Variants in MACF1 observed in about 807,000 individuals in gnomAD.
The protein encoded by MACF1 is microtubule-actin cross-linking factor 1.
A neutral mutation model predicts 854.8 loss-of-function variants in MACF1; 193 were observed. The observed-to-expected ratio is 0.23, with a 90% CI of 0.20 to 0.25. The LOEUF is 0.25. Ranked by LOEUF, MACF1 falls within the 10% of genes least tolerant of loss-of-function variation. The pLI, the probability that MACF1 is intolerant of heterozygous loss-of-function variation, is 1.00. For synonymous variants in MACF1, 3,185 were observed against 3,226.7 expected (o/e 0.99, Z 0.44); for missense variants, 7,722 against 8,929.1 (o/e 0.86, Z 5.45).
intron 2 of MACF1, among the ~76,000 whole-genome samples, chr1:39,238,931 C>T (rs1644890018): frequency 6.6e-6 from 1 of 152,100 alleles, no homozygotes; most frequent in African/African-American, 2.4e-5. Context: ...TTGCTTTGCT[C>T]CCCAAGTACA....
intron 6 of MACF1, among the ~76,000 whole-genome samples, chr1:39,259,673 A>G (rs1645136934): frequency 6.6e-6 from 1 of 151,290 alleles, no homozygotes; most frequent in Non-Finnish European, 1.5e-5. Flanking sequence ...CCCGGGCTAG[A>G]GTGCAATGGT....
At chr1:39,157,697 C>T (rs1643720347) in intron 2 of MACF1, among the ~76,000 whole-genome samples, 1 of 152,124 alleles carries the variant, frequency 6.6e-6, no homozygotes, top group African/African-American at 2.4e-5. Flanking sequence ...GATTACTTAA[C>T]CTCTGTCTAT....
In MACF1 at chr1:39,349,539, G is replaced by A. The variant is rs1445092238; in HGVS notation, c.10877G>A (p.Gly3626Glu). ...QQLEDLCSWVGQAERALAGHQ... is the reference protein window; with the variant it reads ...QQLEDLCSWVEQAERALAGHQ... Reference sequence around the variant, plus strand: ...CTGGAGGATCTTTGCAGTTGGGTAGGACAGGCAGAAAGAGCACTGGCAGGC... The same window carrying A: ...CTGGAGGATCTTTGCAGTTGGGTAGAACAGGCAGAAAGAGCACTGGCAGGC... The change falls in exon 42 of 101, where the codon GGA (glycine) becomes GAA (glutamate). Residue 3626 changes from glycine to glutamate, a missense_variant. This residue lies in a region of MACF1 where 2,807 missense variants were observed against 3,235.8 expected (regional missense o/e 0.87). Transcript: ENST00000564288. The A allele has an allele frequency of 1.2e-6, 2 of 1,614,182 alleles. No individual in the cohort carries two copies. The highest frequency in any genetic ancestry group is 8.5e-7 in the Non-Finnish European group (1 of 1,180,026).
At chr1:39,268,477 T>G in intron 6 of MACF1, 1 of 1,116,794 alleles carries the variant, frequency 9.0e-7, no homozygotes, top group Non-Finnish European at 1.1e-6. Flanking sequence ...GCTTTGAATT[T>G]GTCTTGTTGC....
intron 22 of MACF1, among the ~76,000 whole-genome samples, chr1:39,301,618 G>A (rs1571298540): frequency 6.6e-6 from 1 of 151,218 alleles, no homozygotes; most frequent in East Asian, 1.9e-4. Flanking sequence ...GTAGAGACGG[G>A]GTTTCACTGT....
Position 39,349,482 on chromosome 1 carries a change from T to C in MACF1, c.10820T>C (p.Leu3607Pro). 3 of 1,612,790 alleles carry C rather than the reference T, an allele frequency of 1.9e-6. No individual in the cohort carries two copies. The highest frequency in any genetic ancestry group is 2.5e-6 in the Non-Finnish European group (3 of 1,179,534). ...ACCCCTTTGCATTTTAATTAGACCCTGCAGAAACAACAAAATACCTGTCAC... is the reference window on the plus strand; with the variant it reads ...ACCCCTTTGCATTTTAATTAGACCCCGCAGAAACAACAAAATACCTGTCAC... ...QMEQEALVKT[L>P]QKQQNTCHQQ... The change falls in exon 42 of 101, where the codon CTG (leucine) becomes CCG (proline). Residue 3607 changes from leucine to proline, a missense_variant. Physicochemically the swap from Leu to Pro is moderately conservative, Grantham distance 98 (BLOSUM62 -3). Coordinates refer to ENST00000564288, the MANE Select transcript of MACF1 (RefSeq NM_001394062.1).
intron 93 of MACF1, 91 bp downstream of exon 93, chr1:39,462,128 T>C: frequency 8.1e-7 from 1 of 1,230,998 alleles, no homozygotes; most frequent in Non-Finnish European, 1.2e-6. Flanking sequence ...TATTAGCCTT[T>C]GACTTGTCTG....
chr1:39,099,356 C>T (rs1387076074), intron 2 of MACF1, among the ~76,000 whole-genome samples: 1 of 152,164 alleles, frequency 6.6e-6, no homozygotes, highest in East Asian at 1.9e-4. Flanking sequence ...GCGGTTTCAC[C>T]ATATTGGTCA....
At chr1:39,263,376 T>A (rs915637927) in intron 6 of MACF1, among the ~76,000 whole-genome samples, 2 of 152,230 alleles carry the variant, frequency 1.3e-5, no homozygotes, top group Non-Finnish European at 1.5e-5. Flanking sequence ...ACATTTTTTT[T>A]AATGTGCTAA....
intron 87 of MACF1, 35 bp from the exon 88 acceptor site, chr1:39,453,672 T>C: frequency 6.2e-7 from 1 of 1,605,568 alleles, no homozygotes; most frequent in Non-Finnish European, 8.5e-7. Flanking sequence ...AATGTAGACT[T>C]TTTACGTTTT....
intron 44 of MACF1, among the ~76,000 whole-genome samples, chr1:39,356,065 A>G (rs636156): frequency 0.4 from 61,521 of 151,964 alleles, 14,629 homozygotes; most frequent in African/African-American, 0.67. Context: ...AAGTAGTGGC[A>G]TAAACAGTAT....
At chr1:39,113,384 A>G (rs965071528) in intron 2 of MACF1, among the ~76,000 whole-genome samples, 5 of 152,172 alleles carry the variant, frequency 3.3e-5, no homozygotes, top group South Asian at 2.1e-4. Flanking sequence ...AACTCCAAAA[A>G]ACACTTCAAG....
At chr1:39,274,675 G>A (rs1316565894) in intron 6 of MACF1, among the ~76,000 whole-genome samples, 4 of 152,296 alleles carry the variant, frequency 2.6e-5, no homozygotes, top group Non-Finnish European at 4.4e-5. Flanking sequence ...CTACTGAAAA[G>A]GGGTTACTAT....
At chr1:39,326,699 AAAG>A (rs1226050077) in intron 35 of MACF1, among the ~76,000 whole-genome samples, 1 of 151,302 alleles carries the variant, frequency 6.6e-6, no homozygotes, top group Non-Finnish European at 1.5e-5. Flanking sequence ...AAAAAAAAAA[AAAG>A]AGAGAAGAAA....
intron 1 of MACF1, among the ~76,000 whole-genome samples, chr1:39,222,214 T>A (rs947021416): frequency 2.6e-5 from 4 of 152,188 alleles, no homozygotes; most frequent in Non-Finnish European, 5.9e-5. Flanking sequence ...AACCTCTGCC[T>A]CCTGGGCTCA....
At chr1:39,342,600 G>A (rs1424043081) in intron 40 of MACF1, among the ~76,000 whole-genome samples, 1 of 148,588 alleles carries the variant, frequency 6.7e-6, no homozygotes. Flanking sequence ...GCAGTGGTGC[G>A]ATCTCAGCTC....
chr1:39,470,954 T>C (rs138414800), intron 97 of MACF1, among the ~76,000 whole-genome samples: 143 of 152,338 alleles, frequency 9.4e-4, no homozygotes, highest in Non-Finnish European at 1.7e-3. Context: ...TTTGTCCTTA[T>C]CTTAGTATCT....
chr1:39,433,101 T>G lies in MACF1; in HGVS notation c.17511T>G (p.Ser5837Arg), dbSNP rs540201946. The change falls in exon 68 of 101, where the codon AGT becomes AGG. Residue 5837 changes from serine (S) to arginine (R), a missense_variant. Physicochemically the swap from Ser to Arg is moderately radical, Grantham distance 110 (BLOSUM62 -1). This residue lies in a region of MACF1 where 2,807 missense variants were observed against 3,235.8 expected (regional missense o/e 0.87). Transcript: ENST00000564288. Reference protein sequence around the residue: ...RHKDSMDELFSHRSEIFGTCG... With the variant: ...RHKDSMDELFRHRSEIFGTCG... ...AAGATTCAATGGATGAACTCTTCAG[T>G]CACCGTAGTGAAATCTTTGGCACAT... 6.2e-7 allele frequency: 1 copy of G among 1,612,730 alleles called. No individual in the cohort carries two copies. The highest frequency in any genetic ancestry group is 2.2e-5 in the East Asian group (1 of 44,772).
intron 94 of MACF1, chr1:39,464,886 C>T: frequency 1.9e-6 from 1 of 517,254 alleles, no homozygotes; most frequent in East Asian, 3.5e-5. Context: ...TGCACTCCAG[C>T]CTGGGCAACA....
Sources: allele counts gnomAD v4.1 joint callset (sites outside exome capture counted in the v4.1 genomes callset), GRCh38; gene constraint gnomAD v4.1.1; regional missense constraint gnomAD v4.1.1; transcripts MANE v1.5; gene names NCBI Gene and HGNC (gene_info 2026-07-23, HGNC 2026-07-21).